PLS3: variants seen among roughly 807,000 people sequenced by gnomAD.
PLS3 encodes the protein plastin-3.
In PLS3, 11 loss-of-function variants were observed where a neutral mutation model predicts 46.5. The observed-to-expected ratio is 0.24, with a 90% CI of 0.15 to 0.39. The LOEUF is 0.39. PLS3 is among the 10% of genes least tolerant of loss of function. The pLI, the probability that PLS3 is intolerant of heterozygous loss-of-function variation, is 1.00. For synonymous variants in PLS3, 167 were observed against 162.2 expected (o/e 1.03, Z -0.22); for missense variants, 308 against 461.8 (o/e 0.67, Z 3.05).
chrX:115,635,502 T>A (rs782114466), intron 7 of PLS3, among the ~76,000 whole-genome samples: 1 of 107,881 alleles, frequency 9.3e-6, no homozygotes, highest in African/African-American at 3.4e-5. Flanking sequence ...ATACAAAAAA[T>A]TAGCCAGGCG....
chrX:115,646,576 A>T (rs1291134851), intron 13 of PLS3, 41 bp downstream of exon 13: 16 of 1,142,220 alleles, frequency 1.4e-5, no homozygotes, highest in Non-Finnish European at 1.7e-5. Flanking sequence ...TTACTATCAT[A>T]CAGGTCTGTG....
At position 115,578,691 on chromosome X, in the gene PLS3, CAAAAA is replaced by C. The variant is rs373605509; in HGVS notation, c.-9+17450_-9+17454del. Among the ~76,000 whole-genome samples the C allele has an allele frequency of 3.0e-4, 8 of 26,958 alleles. No individual in the cohort carries two copies. In the Admixed American group the frequency reaches 4.2e-3, roughly 14 times the overall value. 23.4% of individuals were successfully genotyped at this position (26,958 alleles called of 115,157 possible). A position where few individuals can be genotyped will look rare whatever the true frequency, so the allele number is the denominator to read the frequency against. On this transcript the variant is annotated intron_variant, in intron 1 of 15. Coordinates refer to ENST00000355899, the MANE Select transcript of PLS3 (RefSeq NM_005032.7). Reference sequence around the variant, plus strand: ...AGTGAGCCGAGATCACGCCACTGCACAAAAAAAAAAAAAAAAAAAAAAAGATAAAG... The same window carrying C: ...AGTGAGCCGAGATCACGCCACTGCACAAAAAAAAAAAAAAAAAAGATAAAG...
chrX:115,572,357 T>A (rs1251008840), intron 1 of PLS3, among the ~76,000 whole-genome samples: 3 of 110,873 alleles, frequency 2.7e-5, no homozygotes, highest in African/African-American at 6.6e-5. Context: ...AAATAAATTT[T>A]AAAAAAGCAA....
At chrX:115,583,129 CAG>C (rs1280187223) in intron 1 of PLS3, among the ~76,000 whole-genome samples, 1 of 112,281 alleles carries the variant, frequency 8.9e-6, no homozygotes, top group Non-Finnish European at 1.9e-5. Context: ...TGATTAGAAA[CAG>C]AAAGCATAGT....
chrX:115,566,863 G>C (rs1010452635), intron 1 of PLS3, among the ~76,000 whole-genome samples: 1 of 109,188 alleles, frequency 9.2e-6, no homozygotes, highest in African/African-American at 3.3e-5. Flanking sequence ...ATTTTTAGTA[G>C]AAATGGGGTT....
At chrX:115,625,929 T>C (rs1452282239) in intron 3 of PLS3, among the ~76,000 whole-genome samples, 1 of 112,221 alleles carries the variant, frequency 8.9e-6, no homozygotes, top group Non-Finnish European at 1.9e-5. Flanking sequence ...TAACGGAGAC[T>C]GAAAAAGATG....
At chrX:115,609,795 TGATA>T (rs1188255724) in intron 1 of PLS3, among the ~76,000 whole-genome samples, 28 of 112,661 alleles carry the variant, frequency 2.5e-4, no homozygotes, top group East Asian at 1.4e-3. Context: ...TGAGAGTGAT[TGATA>T]GATGTCAGTA....
At chrX:115,593,475 G>A (rs2074359542) in intron 1 of PLS3, 1 of 111,438 alleles carries the variant, frequency 9.0e-6, no homozygotes, top group Admixed American at 9.6e-5. Flanking sequence ...TCTTTTGTCA[G>A]GGTGTTCTCT....
At chrX:115,621,846 A>G (rs1021747443) in intron 2 of PLS3, among the ~76,000 whole-genome samples, 10 of 112,088 alleles carry the variant, frequency 8.9e-5, no homozygotes, top group Non-Finnish European at 1.9e-4. Flanking sequence ...TTTTGGAGCA[A>G]TGGAAGAATA....
intron 1 of PLS3, among the ~76,000 whole-genome samples, chrX:115,598,409 CT>C (rs1325998760): frequency 9.0e-6 from 1 of 111,060 alleles, no homozygotes; most frequent in Non-Finnish European, 1.9e-5. Context: ...CTTTCCTAGA[CT>C]TTTAGGACTA....
chrX:115,598,836 T>G (rs2074413949), intron 1 of PLS3, among the ~76,000 whole-genome samples: 1 of 111,869 alleles, frequency 8.9e-6, no homozygotes, highest in Non-Finnish European at 1.9e-5. Flanking sequence ...GTGCTTTTTT[T>G]TCAGAATATT....
intron 2 of PLS3, among the ~76,000 whole-genome samples, chrX:115,620,996 CTTTATT>C (rs1303904208): frequency 3.0e-5 from 3 of 99,394 alleles, no homozygotes; most frequent in African/African-American, 1.1e-4. Context: ...GCCCAGCCTG[CTTTATT>C]TTTTTATTTT....
intron 1 of PLS3, among the ~76,000 whole-genome samples, chrX:115,596,414 G>A (rs189256025): frequency 5.4e-5 from 6 of 111,894 alleles, no homozygotes; most frequent in Admixed American, 1.9e-4. Context: ...CTTTTAAGGA[G>A]CTCACAGGCT....
intron 10 of PLS3, among the ~76,000 whole-genome samples, chrX:115,644,468 C>T: frequency 9.1e-6 from 1 of 109,916 alleles, no homozygotes; most frequent in East Asian, 2.9e-4. Flanking sequence ...CATTGTGGTG[C>T]GCACCTGTAA....
chrX:115,631,134 G>A (rs149737168), intron 5 of PLS3, among the ~76,000 whole-genome samples: 1,646 of 104,760 alleles, frequency 0.016, 37 homozygotes, highest in African/African-American at 0.054. Flanking sequence ...TTGGCTCACC[G>A]CAACCTCCGC....
chrX:115,589,923 A>G (rs1603225347), intron 1 of PLS3, among the ~76,000 whole-genome samples: 1 of 111,618 alleles, frequency 9.0e-6, no homozygotes, highest in East Asian at 2.8e-4. Context: ...CAGTGGTGCA[A>G]TCTCTGCTCA....
At chrX:115,631,842 C>T (rs868906698) in intron 5 of PLS3, among the ~76,000 whole-genome samples, 5 of 111,459 alleles carry the variant, frequency 4.5e-5, no homozygotes, top group South Asian at 7.5e-4. Flanking sequence ...CTTGCTCTGT[C>T]GCCCAGGCTG....
intron 6 of PLS3, 62 bp downstream of exon 6, chrX:115,634,143 C>G: frequency 1.6e-6 from 1 of 634,318 alleles, no homozygotes; most frequent in Non-Finnish European, 2.6e-6. Flanking sequence ...GTTCTGCAGA[C>G]TTCAGCCTCT....
chrX:115,644,650 T>C (rs782084443), intron 10 of PLS3, among the ~76,000 whole-genome samples: 93 of 110,538 alleles, frequency 8.4e-4, no homozygotes, highest in Non-Finnish European at 1.3e-3. Context: ...TAGTAATTCA[T>C]TGAGTGTCCA....
Sources: gnomAD v4.1 joint callset for allele counts (sites outside exome capture counted in the v4.1 genomes callset) on GRCh38, gnomAD v4.1.1 for gene constraint, MANE v1.5 for transcripts, NCBI Gene and HGNC (gene_info 2026-07-23, HGNC 2026-07-21) for gene names.